Variants in FAM107B observed in about 807,000 individuals in gnomAD.
The protein encoded by FAM107B is family with sequence similarity 107 member B.
A neutral mutation model predicts 31.5 loss-of-function variants in FAM107B; 21 were observed. That is an observed-to-expected ratio of 0.67 (90% CI 0.47 to 0.96). FAM107B has a LOEUF of 0.96. Among genes scored for constraint, FAM107B ranks in the 40% least tolerant of loss-of-function variants. FAM107B has a pLI of 0.00. For missense variants in FAM107B, 452 were observed against 377.1 expected (o/e 1.20, Z -1.64); for synonymous variants, 157 against 141.5 (o/e 1.11, Z -0.78).
chr10:14,548,374 C>T, intron 2 of FAM107B: 1 of 973,928 alleles, frequency 1.0e-6, no homozygotes, highest in Non-Finnish European at 1.2e-6. Context: ...CCTGCCAGCT[C>T]CAGGGGAGGT....
chr10:14,707,105 G>A (rs373062380), intron 1 of FAM107B, among the ~76,000 whole-genome samples: 3 of 151,768 alleles, frequency 2.0e-5, no homozygotes, highest in East Asian at 3.9e-4. Flanking sequence ...CAGCCTGGGC[G>A]ACAGAGCAAG....
At chr10:14,521,836 A>T (rs1397025454) in intron 4 of FAM107B, 33 bp downstream of exon 4, 1 of 1,601,764 alleles carries the variant, frequency 6.2e-7, no homozygotes. Flanking sequence ...AGACAAAAAC[A>T]AAAAAAGACA....
intron 2 of FAM107B, among the ~76,000 whole-genome samples, chr10:14,576,763 T>A (rs1490682007): frequency 6.6e-6 from 1 of 152,150 alleles, no homozygotes; most frequent in Non-Finnish European, 1.5e-5. Flanking sequence ...TACTACAAAA[T>A]GAAAGAAGAT....
intron 1 of FAM107B, among the ~76,000 whole-genome samples, chr10:14,684,827 CT>C (rs55845510): frequency 0.51 from 75,781 of 147,452 alleles, 21,002 homozygotes; most frequent in South Asian, 0.67. Flanking sequence ...TTTTGTTTTT[CT>C]TTTTTTTTTT....
chr10:14,703,173 A>C (rs1195540937), intron 1 of FAM107B, among the ~76,000 whole-genome samples: 1 of 151,996 alleles, frequency 6.6e-6, no homozygotes, highest in African/African-American at 2.4e-5. Context: ...GGCTCTCCCC[A>C]TGTGCGTGCT....
chr10:14,553,477 A>G, intron 2 of FAM107B: 1 of 631,706 alleles, frequency 1.6e-6, no homozygotes, highest in South Asian at 1.6e-5. Flanking sequence ...AAGAAGCTGA[A>G]CAAAATTCCA....
intron 2 of FAM107B, among the ~76,000 whole-genome samples, chr10:14,622,006 A>C (rs1301841243): frequency 1.3e-5 from 2 of 152,210 alleles, no homozygotes; most frequent in Non-Finnish European, 1.5e-5. Flanking sequence ...TAAATACCCC[A>C]AAACATGACC....
Position 14,521,143 on chromosome 10 carries a change from C to T in FAM107B, c.*47G>A. 1.4e-6 allele frequency: 2 copies of T among 1,475,740 alleles called. No individual in the cohort carries two copies. The highest frequency in any genetic ancestry group is 1.4e-5 in the African/African-American group (1 of 71,464). The allele number at this position is 1,475,740 out of a possible 1,614,324, so 91.4% of individuals were successfully genotyped here. ...TGCCCTGAGATTGAGAAGGCACCCA[C>T]AGACAGCTCTGTGGGGTGACACACG... On this transcript the variant is annotated 3_prime_UTR_variant, in exon 5 of 5. Transcript: ENST00000181796.
At chr10:14,587,476 A>C (rs1851882556) in intron 2 of FAM107B, among the ~76,000 whole-genome samples, 2 of 152,232 alleles carry the variant, frequency 1.3e-5, no homozygotes, top group Admixed American at 1.3e-4. Flanking sequence ...ATTTAAATAA[A>C]TGCCTAGGCT....
intron 1 of FAM107B, among the ~76,000 whole-genome samples, chr10:14,700,686 A>G (rs954203371): frequency 3.9e-5 from 6 of 152,184 alleles, no homozygotes; most frequent in African/African-American, 1.4e-4. Context: ...AACAACAATG[A>G]TGCTTTTTTC....
At chr10:14,719,773 C>T (rs1177386250) in intron 1 of FAM107B, among the ~76,000 whole-genome samples, 1 of 143,764 alleles carries the variant, frequency 7.0e-6, no homozygotes, top group Non-Finnish European at 1.6e-5. Flanking sequence ...GGCTCCTGGG[C>T]TCCCCTCACA....
At chr10:14,684,335 C>T (rs747706838) in intron 1 of FAM107B, among the ~76,000 whole-genome samples, 23 of 152,090 alleles carry the variant, frequency 1.5e-4, no homozygotes, top group Non-Finnish European at 2.6e-4. Context: ...ACCTGTAGTC[C>T]CAGCTACTTG....
intron 2 of FAM107B, among the ~76,000 whole-genome samples, chr10:14,574,490 C>T (rs1456078201): frequency 6.6e-6 from 1 of 152,192 alleles, no homozygotes; most frequent in Non-Finnish European, 1.5e-5. Context: ...GAGCTTCCAC[C>T]GTCACCCAAG....
At chr10:14,634,003 C>A (rs1853432283) in intron 2 of FAM107B, among the ~76,000 whole-genome samples, 1 of 152,190 alleles carries the variant, frequency 6.6e-6, no homozygotes, top group African/African-American at 2.4e-5. Context: ...TTCATGCAGG[C>A]TTTTCCATAG....
chr10:14,563,597 C>G (rs113226144), intron 2 of FAM107B, among the ~76,000 whole-genome samples: 3,370 of 152,290 alleles, frequency 0.022, 66 homozygotes, highest in East Asian at 0.09. Context: ...TAGGAAAGAT[C>G]ATTGCTATGG....
chr10:14,663,305 A>G (rs1356010812), intron 2 of FAM107B: 1 of 152,238 alleles, frequency 6.6e-6, no homozygotes, highest in Non-Finnish European at 1.5e-5. Context: ...ATATGCATCT[A>G]TTCTATTAGT....
chr10:14,760,590 G>A (rs955267144), intron 1 of FAM107B, among the ~76,000 whole-genome samples: 6 of 149,622 alleles, frequency 4.0e-5, no homozygotes, highest in Non-Finnish European at 7.3e-5. Context: ...TTGCCAAGAA[G>A]AGATGTACGT....
chr10:14,692,198 A>G (rs1438496712), intron 1 of FAM107B, among the ~76,000 whole-genome samples: 1 of 152,006 alleles, frequency 6.6e-6, no homozygotes, highest in African/African-American at 2.4e-5. Context: ...TCCACCCACA[A>G]TTTGCTCTGG....
rs573924132 is a variant in FAM107B, at chr10:14,722,538, C to T, written c.411+51715G>A. Among the ~76,000 whole-genome samples, 4 of 152,272 alleles carry T rather than the reference C, an allele frequency of 2.6e-5. No individual in the cohort carries two copies. The South Asian group carries it at 8.3e-4, about 32-fold the overall frequency. On this transcript the variant is annotated intron_variant, in intron 1 of 4. Transcript: ENST00000181796. ...CCATCCTAATGGCTGTAAAGTTGTACTCTCTGCTGTTTCGATTTGCATTTC... is the reference window on the plus strand; with the variant it reads ...CCATCCTAATGGCTGTAAAGTTGTATTCTCTGCTGTTTCGATTTGCATTTC...
Sources: allele counts gnomAD v4.1 joint callset (sites outside exome capture counted in the v4.1 genomes callset), GRCh38; gene constraint gnomAD v4.1.1; transcripts MANE v1.5; gene names NCBI Gene and HGNC (gene_info 2026-07-23, HGNC 2026-07-21).